Variants in INSR observed in about 807,000 individuals in gnomAD.
INSR encodes the protein IR.
In INSR, 67 loss-of-function variants were observed where a neutral mutation model predicts 142.6. The ratio of observed to expected loss-of-function variants is 0.47; its 90% CI spans 0.39 to 0.58. The LOEUF (loss-of-function observed/expected upper bound fraction) is 0.58. Among genes scored for constraint, INSR ranks in the 20% least tolerant of loss-of-function variants. The probability of loss-of-function intolerance (pLI) is 0.00; values close to 1 mark genes in which losing one functional copy is unlikely to be tolerated. For missense variants in INSR, 1,248 were observed against 1,833.2 expected, an observed-to-expected ratio of 0.68 and a Z score of 5.83; for synonymous variants, 756 against 743.1, an observed-to-expected ratio of 1.02 and a Z score of -0.28.
chr19:7,131,431 T>C (rs1410765953), intron 14 of INSR, among the ~76,000 whole-genome samples: 1 of 151,590 alleles, frequency 6.6e-6, no homozygotes, highest in Non-Finnish European at 1.5e-5. Context: ...CTGCAAGCTC[T>C]GCTTCCCGGG....
intron 1 of INSR, among the ~76,000 whole-genome samples, chr19:7,282,034 A>G (rs1968215015): frequency 6.6e-6 from 1 of 152,200 alleles, no homozygotes; most frequent in African/African-American, 2.4e-5. Context: ...GCAGGATAGC[A>G]AAGCTTGTTC....
At chr19:7,248,360 C>A (rs1165626832) in intron 2 of INSR, among the ~76,000 whole-genome samples, 1 of 147,878 alleles carries the variant, frequency 6.8e-6, no homozygotes, top group African/African-American at 2.5e-5. Flanking sequence ...GTGGTTCATG[C>A]CTGTAGTGCC....
At position 7,293,851 on chromosome 19, in the gene INSR, A is replaced by G. The variant is rs745857330; in HGVS notation, c.41T>C (p.Leu14Pro). ...TAGCAGCGCGGCCACCGCCACCAGCAGCGGCGCGGCCGCCGCCCCCCGCCG... is the reference window on the plus strand; with the variant it reads ...TAGCAGCGCGGCCACCGCCACCAGCGGCGGCGCGGCCGCCGCCCCCCGCCG... The part of the protein sequence containing the change: ...GGRRGAAAAP[L>P]LVAVAALLLG... Residue 14 changes from leucine to proline, a missense_variant, in exon 1 of 22, where the codon CTG becomes CCG. Leu to Pro is a moderately conservative substitution (Grantham distance 98). Around this residue, in one of 3 missense-constraint regions of INSR, gnomAD observed 57 missense variants for 49.5 expected, o/e 1.15. Transcript: ENST00000302850. 4.0e-4 allele frequency: 511 copies of G among 1,262,826 alleles called. 1 individual carries two copies. The highest frequency in any genetic ancestry group is 1.1e-3 in the Admixed American group (27 of 23,652). 78.2% of individuals were successfully genotyped at this position (1,262,826 alleles called of 1,614,324 possible).
intron 2 of INSR, among the ~76,000 whole-genome samples, chr19:7,242,460 G>A (rs1312319811): frequency 1.3e-5 from 2 of 151,840 alleles, no homozygotes; most frequent in Non-Finnish European, 1.5e-5. Flanking sequence ...GTTCAGCCGG[G>A]TGTGGTGGCT....
Position 7,119,665 on chromosome 19 carries a change from AACGCACACACAC to A in INSR, c.3660-94_3660-83del. 1 of 1,475,604 alleles carries A rather than the reference AACGCACACACAC, an allele frequency of 6.8e-7. No homozygotes were observed. The highest frequency in any genetic ancestry group is 1.4e-5 in the African/African-American group (1 of 71,992). The allele number at this position is 1,475,604 out of a possible 1,614,324, so 91.4% of individuals were successfully genotyped here. ...GCGCGCGCGCAAACACACACACGCA[AACGCACACACAC>A]ACGCAAACACACATGCCAACACATA... On this transcript the variant is annotated intron_variant, in intron 20 of 21. Coordinates refer to ENST00000302850, the MANE Select transcript of INSR (RefSeq NM_000208.4). This position sits in a 1 kb window ranked among gnomAD's most constrained non-coding sequence, Gnocchi z 5.2.
intron 2 of INSR, among the ~76,000 whole-genome samples, chr19:7,250,478 AG>A (rs1976689171): frequency 7.7e-6 from 1 of 130,328 alleles, no homozygotes; most frequent in Non-Finnish European, 1.8e-5. Context: ...AAGAAAGAAA[AG>A]AAAGAGAAGG....
chr19:7,263,374 C>T (rs946449988), intron 2 of INSR, among the ~76,000 whole-genome samples: 1 of 152,030 alleles, frequency 6.6e-6, no homozygotes, highest in Non-Finnish European at 1.5e-5. Context: ...AGCTGAGTTG[C>T]TCTCAAAGAC....
At chr19:7,187,230 C>T (rs918445064) in intron 2 of INSR, among the ~76,000 whole-genome samples, 14 of 151,918 alleles carry the variant, frequency 9.2e-5, no homozygotes, top group African/African-American at 3.1e-4. Flanking sequence ...CAGGTGCCCA[C>T]CACCACACCC....
intron 13 of INSR, among the ~76,000 whole-genome samples, chr19:7,137,726 G>A (rs145123564): frequency 0.013 from 1,787 of 136,330 alleles, 39 homozygotes; most frequent in African/African-American, 0.046. Context: ...GGCAGAGGTT[G>A]CAGTGAGCTG....
chr19:7,207,946 G>GAAGGAAGGAAGGAAGGAAGGAAGGA, intron 2 of INSR, among the ~76,000 whole-genome samples: 1 of 54,956 alleles, frequency 1.8e-5, no homozygotes, highest in Admixed American at 2.2e-4. Context: ...GGAAGGGAAG[G>GAAGGAAGGAAGGAAGGAAGGAAGGA]AGGGAGGGAG....
chr19:7,145,519 T>C (rs1223792693), intron 11 of INSR, among the ~76,000 whole-genome samples: 3 of 152,316 alleles, frequency 2.0e-5, no homozygotes, highest in African/African-American at 7.2e-5. Context: ...AATGACACAC[T>C]AGAAGAGGGG....
intron 2 of INSR, among the ~76,000 whole-genome samples, chr19:7,199,707 G>C (rs1389707212): frequency 6.6e-6 from 1 of 151,732 alleles, no homozygotes; most frequent in Non-Finnish European, 1.5e-5. Context: ...CTGTAACACG[G>C]CATCACACTG....
chr19:7,129,492 T>G (rs1316743792), intron 14 of INSR, among the ~76,000 whole-genome samples: 9 of 151,432 alleles, frequency 5.9e-5, no homozygotes, highest in Non-Finnish European at 1.3e-4. Context: ...ACCCGGCTAA[T>G]TTTTGTATTT....
chr19:7,117,901 C>T (rs1270145475), intron 21 of INSR, among the ~76,000 whole-genome samples: 1 of 145,510 alleles, frequency 6.9e-6, no homozygotes, highest in South Asian at 2.1e-4. Flanking sequence ...GCCACCATGC[C>T]TGGCCGCTTT....
chr19:7,221,068 C>G (rs573994256), intron 2 of INSR, among the ~76,000 whole-genome samples: 2 of 152,144 alleles, frequency 1.3e-5, no homozygotes, highest in African/African-American at 4.8e-5. Flanking sequence ...TGCAGAGTCC[C>G]CACCGGCAAG....
chr19:7,116,970 T>G lies in INSR; in HGVS notation c.*86A>C. ...AACTCCATTGGACATGGTAGAGTCG[T>G]GAGAATCCTGAGTTTTCCAGAGGCT... On this transcript the variant is annotated 3_prime_UTR_variant, in exon 22 of 22. Transcript: ENST00000302850. 7 of 1,014,580 alleles carry G rather than the reference T, an allele frequency of 6.9e-6. No individual in the cohort carries two copies. The highest frequency in any genetic ancestry group is 1.1e-5 in the Non-Finnish European group (7 of 633,166). The allele number at this position is 1,014,580 out of a possible 1,614,324, so 62.8% of individuals were successfully genotyped here. A position where few individuals can be genotyped will look rare whatever the true frequency, so the allele number is the denominator to read the frequency against.
intron 9 of INSR, among the ~76,000 whole-genome samples, chr19:7,157,741 A>C (rs1973634078): frequency 6.6e-6 from 1 of 151,584 alleles, no homozygotes; most frequent in Non-Finnish European, 1.5e-5. Context: ...CCCTGCTGCC[A>C]CTCTGCTTGG....
intron 1 of INSR, among the ~76,000 whole-genome samples, chr19:7,279,756 C>T (rs1251738185): frequency 6.6e-6 from 1 of 151,558 alleles, no homozygotes; most frequent in Non-Finnish European, 1.5e-5. Flanking sequence ...GGGTGGACTG[C>T]TTGAGCCCAG....
chr19:7,243,950 A>G (rs1463732455), intron 2 of INSR, among the ~76,000 whole-genome samples: 1 of 152,240 alleles, frequency 6.6e-6, no homozygotes, highest in Non-Finnish European at 1.5e-5. Flanking sequence ...AATAAGATTT[A>G]AAACCGAAAC....
Sources: allele counts gnomAD v4.1 joint callset (sites outside exome capture counted in the v4.1 genomes callset), GRCh38; gene constraint gnomAD v4.1.1; regional missense constraint gnomAD v4.1.1; non-coding constraint Gnocchi (gnomAD v3.1); transcripts MANE v1.5; gene names NCBI Gene and HGNC (gene_info 2026-07-23, HGNC 2026-07-21).